Variants in SLC36A1 observed in about 807,000 individuals in gnomAD.
SLC36A1 encodes solute carrier family 36 member 1, also known as proton-coupled amino acid transporter 1.
In SLC36A1, 30 loss-of-function variants were observed where a neutral mutation model predicts 47.5. The observed-to-expected ratio is 0.63, with a 90% CI of 0.47 to 0.86. The LOEUF is 0.86. Among genes scored for constraint, SLC36A1 ranks in the 40% least tolerant of loss-of-function variants. SLC36A1 has a pLI of 0.00. For missense variants in SLC36A1, 517 were observed against 606.0 expected (o/e 0.85, Z 1.54); for synonymous variants, 255 against 249.7 (o/e 1.02, Z -0.20).
the SLC36A1 span, among the ~76,000 whole-genome samples, chr5:151,389,241 C>G: frequency 6.6e-6 from 1 of 152,104 alleles, no homozygotes; most frequent in Non-Finnish European, 1.5e-5. Flanking sequence ...GCATGCAATA[C>G]ACCTTCAAAC....
intron 7 of SLC36A1, among the ~76,000 whole-genome samples, chr5:151,472,714 T>C (rs895763978): frequency 1.3e-5 from 2 of 152,236 alleles, no homozygotes; most frequent in Non-Finnish European, 1.5e-5. Context: ...AGAGAACCAA[T>C]ATAAAAATGT....
intron 1 of SLC36A1, among the ~76,000 whole-genome samples, chr5:151,440,810 A>T (rs988211285): frequency 6.6e-6 from 1 of 152,170 alleles, no homozygotes; most frequent in Non-Finnish European, 1.5e-5. Context: ...CAGGTCACCC[A>T]GCTGGGAAAT....
chr5:151,518,348 C>CTAATAATAATAA, the SLC36A1 span, among the ~76,000 whole-genome samples: 5,549 of 101,438 alleles, frequency 0.055, 347 homozygotes, highest in African/African-American at 0.15. Context: ...GACCATGTCT[C>CTAATAATAATAA]TAATAATAAT....
At chr5:151,542,853 T>G in the SLC36A1 span, 1 of 1,614,166 alleles carries the variant, frequency 6.2e-7, no homozygotes, top group East Asian at 2.2e-5. Flanking sequence ...ATTTGGTGGA[T>G]TCGTGGTCCA....
chr5:151,424,249 C>T, the SLC36A1 span, among the ~76,000 whole-genome samples: 3 of 152,166 alleles, frequency 2.0e-5, no homozygotes, highest in Non-Finnish European at 2.9e-5. Flanking sequence ...CTCTCCCAGT[C>T]ACCTCTAATA....
intron 1 of SLC36A1, among the ~76,000 whole-genome samples, chr5:151,438,351 C>G (rs1012677055): frequency 6.6e-6 from 1 of 151,982 alleles, no homozygotes; most frequent in Non-Finnish European, 1.5e-5. Context: ...GGAAATAACA[C>G]TTTATATGTC....
intron 3 of SLC36A1, 147 bp downstream of exon 3, chr5:151,463,790 A>T: frequency 1.5e-6 from 1 of 670,062 alleles, no homozygotes. Context: ...TCAGACATTC[A>T]TTCACTTAAA....
chr5:151,362,017 TTGAGA>T, the SLC36A1 span, among the ~76,000 whole-genome samples: 1 of 152,236 alleles, frequency 6.6e-6, no homozygotes, highest in Non-Finnish European at 1.5e-5. Flanking sequence ...TCCTTGACTT[TTGAGA>T]GTTTGATTAT....
chr5:151,355,404 G>A, the SLC36A1 span, among the ~76,000 whole-genome samples: 3 of 152,110 alleles, frequency 2.0e-5, no homozygotes, highest in African/African-American at 7.2e-5. Flanking sequence ...GCCACAATAC[G>A]ACATACTACT....
chr5:151,347,285 A>G, the SLC36A1 span: 1 of 1,614,168 alleles, frequency 6.2e-7, no homozygotes, highest in Non-Finnish European at 8.5e-7. Context: ...GATGGCAGAA[A>G]ACAGCACTCA....
the SLC36A1 span, among the ~76,000 whole-genome samples, chr5:151,361,052 C>G: frequency 3.1e-3 from 476 of 152,314 alleles, 2 homozygotes; most frequent in African/African-American, 0.011. Flanking sequence ...TTATGTACAA[C>G]ATCTAGGCAC....
chr5:151,358,296 CAG>C, the SLC36A1 span, among the ~76,000 whole-genome samples: 3 of 151,670 alleles, frequency 2.0e-5, no homozygotes, highest in African/African-American at 4.9e-5. Flanking sequence ...GTTGTTGAGA[CAG>C]GGTCCTATTC....
rs1756647953 is a variant in SLC36A1 at position 151,467,700 on chromosome 5, A to C, written c.505-7A>C. 1 of 1,611,984 alleles carries C rather than the reference A, an allele frequency of 6.2e-7. No individual in the cohort carries two copies. Among genetic ancestry groups the C allele is most frequent in the Non-Finnish European group, 8.5e-7 (1 of 1,178,434 alleles). ...TGTTTCCGTTTTCTTCCTTCCCCTC[A>C]TTCTAGGTGATAGAAGCGGCCAATG... On this transcript the variant is annotated splice_polypyrimidine_tract_variant and splice_region_variant and intron_variant, in intron 6 of 10. Coordinates refer to ENST00000243389, the MANE Select transcript of SLC36A1 (RefSeq NM_078483.4).
the SLC36A1 span, among the ~76,000 whole-genome samples, chr5:151,364,635 A>G: frequency 4.6e-5 from 7 of 152,348 alleles, no homozygotes; most frequent in South Asian, 2.1e-4. Context: ...GAGTAAATGA[A>G]CTTGCTCAAG....
At chr5:151,462,917 C>T (rs1335250800) in intron 2 of SLC36A1, among the ~76,000 whole-genome samples, 1 of 151,614 alleles carries the variant, frequency 6.6e-6, no homozygotes, top group Non-Finnish European at 1.5e-5. Flanking sequence ...CCTCTATTGC[C>T]TAGGCTGGAG....
At position 151,465,155 on chromosome 5, in the gene SLC36A1, C is replaced by T. The variant is rs142789704; in HGVS notation, c.405C>T (p.His135=). ...GCCCCTGCTCCTGGCTCCGGAACCA[C>T]GCACACTGGGGAAGGTAACTGATTT... The part of the protein sequence containing the change: ...ESSPCSWLRN[H]AHWGRRVVDF... The change falls in exon 5 of 11, where the codon CAC becomes CAT. Residue 135 remains histidine (H), a synonymous_variant. Coordinates refer to ENST00000243389, the MANE Select transcript of SLC36A1 (RefSeq NM_078483.4). 102 of 1,613,850 alleles carry T rather than the reference C, an allele frequency of 6.3e-5. No individual in the cohort carries two copies. The African/African-American group carries it at 6.8e-4, about 11-fold the overall frequency.
At chr5:151,458,649 C>A (rs912349085) in intron 1 of SLC36A1, 139 bp from the exon 2 acceptor site, 5 of 897,514 alleles carry the variant, frequency 5.6e-6, no homozygotes, top group Non-Finnish European at 8.2e-6. Context: ...TGGTACCAGG[C>A]ACTTTCATAC....
At chr5:151,473,349 A>T (rs917095718) in intron 7 of SLC36A1, among the ~76,000 whole-genome samples, 1 of 151,704 alleles carries the variant, frequency 6.6e-6, no homozygotes, top group African/African-American at 2.4e-5. Flanking sequence ...TCATCTTTTG[A>T]TTTTTTTTCT....
rs912461207 is a variant in SLC36A1, at chr5:151,488,328, G to C, written c.*74G>C. 4.8e-5 allele frequency: 75 copies of C among 1,548,308 alleles called. No individual in the cohort carries two copies. The highest frequency in any genetic ancestry group is 6.4e-5 in the Non-Finnish European group (73 of 1,139,854). ...CCGTTACCTGTCCTCAGAGCCTCAG[G>C]TATGGTCCAGGCTCTGAGGAAAGTC... is the stretch of plus-strand genomic sequence containing the variant. On this transcript the variant is annotated 3_prime_UTR_variant, in exon 11 of 11. Coordinates refer to ENST00000243389, the MANE Select transcript of SLC36A1 (RefSeq NM_078483.4).
Sources: allele counts gnomAD v4.1 joint callset (sites outside exome capture counted in the v4.1 genomes callset), GRCh38; gene constraint gnomAD v4.1.1; transcripts MANE v1.5; gene names NCBI Gene and HGNC (gene_info 2026-07-23, HGNC 2026-07-21).